Variants in YAP1 observed in about 807,000 individuals in gnomAD.
YAP1 encodes transcriptional coactivator YAP1.
In YAP1, 5 loss-of-function variants were observed where a neutral mutation model predicts 56.9. The observed-to-expected ratio is 0.09, with a 90% CI of 0.05 to 0.18. The LOEUF (loss-of-function observed/expected upper bound fraction) is 0.18, where lower values mean the gene tolerates loss of function less well. Ranked by LOEUF, YAP1 falls within the 10% of genes least tolerant of loss-of-function variation. The pLI is 1.00. For missense variants in YAP1, 539 were observed against 651.8 expected (o/e 0.83, Z 1.88); for synonymous variants, 265 against 248.1 (o/e 1.07, Z -0.64).
chr11:102,155,923 T>C (rs1353744480), intron 2 of YAP1, among the ~76,000 whole-genome samples: 3 of 152,200 alleles, frequency 2.0e-5, no homozygotes, highest in African/African-American at 4.8e-5. Flanking sequence ...ATTATAACTT[T>C]GTTTGACTGC....
intron 2 of YAP1, among the ~76,000 whole-genome samples, chr11:102,135,632 A>C (rs948796004): frequency 5.9e-5 from 9 of 152,228 alleles, no homozygotes. Flanking sequence ...GCTTCTTCAA[A>C]TCTAACCTTG....
chr11:102,196,020 G>GT (rs1047335767), intron 4 of YAP1, among the ~76,000 whole-genome samples: 21 of 152,144 alleles, frequency 1.4e-4, no homozygotes, highest in African/African-American at 3.4e-4. Flanking sequence ...GATGGCTAAA[G>GT]TTTTTTTTGA....
Position 102,125,431 on chromosome 11 carries a change from C to T in YAP1, c.572+11037C>T, listed in dbSNP as rs114302743. ...TCGCACTGTTGCCCAGGCTGGAGTG[C>T]GGTGGCACAATTTTGGCTCACTGCA... On this transcript the variant is annotated intron_variant, in intron 2 of 8. Transcript: ENST00000282441. Among the ~76,000 whole-genome samples the T allele has an allele frequency of 9.3e-3, 1,343 of 144,266 alleles. 21 individuals are homozygous for T. The highest frequency in any genetic ancestry group is 0.033 in the African/African-American group (1,264 of 38,348). 94.6% of individuals were successfully genotyped at this position (144,266 alleles called of 152,430 possible).
At chr11:102,140,528 C>T (rs980134861) in intron 2 of YAP1, among the ~76,000 whole-genome samples, 1 of 152,070 alleles carries the variant, frequency 6.6e-6, no homozygotes, top group Non-Finnish European at 1.5e-5. Context: ...AAGGATGTCC[C>T]CCAGATTACT....
intron 2 of YAP1, among the ~76,000 whole-genome samples, chr11:102,124,796 C>T (rs533945054): frequency 6.6e-5 from 10 of 152,218 alleles, no homozygotes; most frequent in South Asian, 2.1e-4. Flanking sequence ...AGTGCAGTGG[C>T]GCCATCTCAG....
intron 4 of YAP1, among the ~76,000 whole-genome samples, chr11:102,188,551 T>A (rs777565238): frequency 6.6e-6 from 1 of 152,232 alleles, no homozygotes; most frequent in Non-Finnish European, 1.5e-5. Flanking sequence ...TCCTATATGA[T>A]TCTAATACTG....
intron 2 of YAP1, among the ~76,000 whole-genome samples, chr11:102,144,038 C>G (rs1427843567): frequency 6.6e-6 from 1 of 152,200 alleles, no homozygotes; most frequent in Non-Finnish European, 1.5e-5. Context: ...GAGGGCATCC[C>G]AGCATTGGCA....
chr11:102,123,236 CTG>C (rs1180934344), intron 2 of YAP1, among the ~76,000 whole-genome samples: 2 of 152,170 alleles, frequency 1.3e-5, no homozygotes, highest in Non-Finnish European at 2.9e-5. Flanking sequence ...GCCTGGCCAA[CTG>C]TGATTTTGTT....
chr11:102,197,924 G>A (rs749820873), intron 4 of YAP1, among the ~76,000 whole-genome samples: 9 of 152,090 alleles, frequency 5.9e-5, no homozygotes, highest in Non-Finnish European at 1.2e-4. Flanking sequence ...TGGGTGCACC[G>A]CTCTGTGCTT....
At chr11:102,216,269 A>G (rs1591446218) in intron 6 of YAP1, among the ~76,000 whole-genome samples, 1 of 152,220 alleles carries the variant, frequency 6.6e-6, no homozygotes. Flanking sequence ...TGAAGTTACC[A>G]TAGGAAACTA....
chr11:102,130,503 A>T (rs1944312334), intron 2 of YAP1, among the ~76,000 whole-genome samples: 1 of 151,962 alleles, frequency 6.6e-6, no homozygotes, highest in Admixed American at 6.6e-5. Flanking sequence ...CTCTGGACTT[A>T]GGTGATTCTC....
chr11:102,165,099 C>G (rs1270415208), intron 3 of YAP1, among the ~76,000 whole-genome samples: 1 of 151,850 alleles, frequency 6.6e-6, no homozygotes, highest in Non-Finnish European at 1.5e-5. Flanking sequence ...TGGCTCACAC[C>G]TATAATTTCA....
At chr11:102,158,256 G>A (rs1266730464) in intron 2 of YAP1, among the ~76,000 whole-genome samples, 2 of 152,204 alleles carry the variant, frequency 1.3e-5, no homozygotes, top group Admixed American at 6.5e-5. Context: ...ACTGATACTA[G>A]TTCTAGATTT....
intron 2 of YAP1, among the ~76,000 whole-genome samples, chr11:102,117,777 A>G (rs895551647): frequency 2.6e-5 from 4 of 152,214 alleles, no homozygotes; most frequent in Admixed American, 2.0e-4. Flanking sequence ...AGGCTTAGCC[A>G]TATAATATTT....
intron 1 of YAP1, chr11:102,112,307 C>T: frequency 1.3e-6 from 1 of 755,226 alleles, no homozygotes; most frequent in Non-Finnish European, 1.6e-6. Context: ...GATTATTGTG[C>T]CAACTTGATT....
At chr11:102,228,766 T>G (rs998004054) in intron 8 of YAP1, among the ~76,000 whole-genome samples, 1 of 152,010 alleles carries the variant, frequency 6.6e-6, no homozygotes, top group African/African-American at 2.4e-5. Context: ...GCCCTAGAGT[T>G]GACAACTGCC....
intron 4 of YAP1, among the ~76,000 whole-genome samples, chr11:102,189,515 A>T (rs796202313): frequency 1.3e-5 from 2 of 152,214 alleles, no homozygotes; most frequent in African/African-American, 4.8e-5. Context: ...AAAATATTGG[A>T]GCAAGAGATT....
chr11:102,170,554 T>G (rs1315182314), intron 3 of YAP1, among the ~76,000 whole-genome samples: 1 of 152,204 alleles, frequency 6.6e-6, no homozygotes, highest in Admixed American at 6.5e-5. Flanking sequence ...AACTCAAGAC[T>G]GTTGAGTGCT....
intron 2 of YAP1, among the ~76,000 whole-genome samples, chr11:102,152,774 A>G (rs7924737): frequency 0.39 from 59,134 of 152,134 alleles, 11,802 homozygotes; most frequent in African/African-American, 0.47. Context: ...TGCCTCAATT[A>G]GTAGAAGTAA....
Sources: allele counts gnomAD v4.1 joint callset (sites outside exome capture counted in the v4.1 genomes callset), GRCh38; gene constraint gnomAD v4.1.1; transcripts MANE v1.5; gene names NCBI Gene and HGNC (gene_info 2026-07-23, HGNC 2026-07-21).